Variants in FAT1 observed in about 807,000 individuals in gnomAD.
FAT1 encodes the protein FAT atypical cadherin 1.
In FAT1, 171 loss-of-function variants were observed where a neutral mutation model predicts 329.8. The ratio of observed to expected loss-of-function variants is 0.52; its 90% CI spans 0.46 to 0.59. The LOEUF is 0.59. FAT1 is among the 20% of genes least tolerant of loss of function. The pLI is 0.00. For missense variants in FAT1, 5,672 were observed against 5,774.4 expected, an observed-to-expected ratio of 0.98 and a Z score of 0.57; for synonymous variants, 2,233 against 2,228.6, an observed-to-expected ratio of 1.00 and a Z score of -0.06.
intron 3 of FAT1, among the ~76,000 whole-genome samples, chr4:186,641,664 A>G (rs1741103042): frequency 6.6e-6 from 1 of 152,224 alleles, no homozygotes; most frequent in Non-Finnish European, 1.5e-5. Flanking sequence ...ATTTACTTAG[A>G]GCACACAAGA....
chr4:186,623,672 C>A (rs1210480336), intron 9 of FAT1, among the ~76,000 whole-genome samples: 1 of 152,170 alleles, frequency 6.6e-6, no homozygotes, highest in Non-Finnish European at 1.5e-5. Context: ...TGCTCCCTGC[C>A]CTCCAGCCAA....
At chr4:186,652,189 C>T (rs756019737) in intron 3 of FAT1, among the ~76,000 whole-genome samples, 13 of 152,226 alleles carry the variant, frequency 8.5e-5, no homozygotes, top group South Asian at 8.3e-4. Flanking sequence ...AACATAAGAT[C>T]GACAGCAAAA....
intron 1 of FAT1, among the ~76,000 whole-genome samples, chr4:186,713,925 G>A (rs1042237704): frequency 5.3e-5 from 8 of 152,180 alleles, no homozygotes; most frequent in Middle Eastern, 3.2e-3. Context: ...AGGCTCAAGC[G>A]ATCTGCCCAA....
In FAT1 at chr4:186,602,919, C is replaced by T. The variant is rs766250583; in HGVS notation, c.11466G>A (p.Arg3822=). Residue 3822 remains arginine, a synonymous_variant, in exon 20 of 27, where the codon AGG becomes AGA. Coordinates refer to ENST00000441802, the MANE Select transcript of FAT1 (RefSeq NM_005245.4). ...AACTCTCACCTGGGCACTGACCAAACCTGCCGCTGGGACAGACACAGGTGT... is the reference window on the plus strand; with the variant it reads ...AACTCTCACCTGGGCACTGACCAAATCTGCCGCTGGGACAGACACAGGTGT... ...EKHTCVCPSG[R]FGQCPGSSSM... is the part of the protein sequence containing the mutation. 6.2e-7 allele frequency: 1 copy of T among 1,613,952 alleles called. No homozygotes were observed. Among genetic ancestry groups the T allele is most frequent in the South Asian group, 1.1e-5 (1 of 91,080 alleles).
intron 2 of FAT1, among the ~76,000 whole-genome samples, chr4:186,672,910 G>A (rs1380997062): frequency 1.3e-5 from 2 of 152,152 alleles, no homozygotes; most frequent in Non-Finnish European, 2.9e-5. Flanking sequence ...GCCAGATGCC[G>A]TTTTCCCAAC....
intron 1 of FAT1, among the ~76,000 whole-genome samples, chr4:186,717,710 T>C (rs1276853374): frequency 6.6e-6 from 1 of 152,214 alleles, no homozygotes; most frequent in Non-Finnish European, 1.5e-5. Context: ...CTGTTGGCAT[T>C]ACGAAGATGA....
At chr4:186,643,788 T>TCCCCCCCCCCCCCC (rs111521404) in intron 3 of FAT1, among the ~76,000 whole-genome samples, 63 of 131,168 alleles carry the variant, frequency 4.8e-4, no homozygotes, top group South Asian at 8.1e-4. Flanking sequence ...CTGCTCCTCA[T>TCCCCCCCCCCCCCC]CCCCCCCCCA....
intron 15 of FAT1, 38 bp from the exon 16 acceptor site, chr4:186,609,358 G>T: frequency 6.2e-7 from 1 of 1,601,330 alleles, no homozygotes; most frequent in Middle Eastern, 1.7e-4. Context: ...AGACAGCTAA[G>T]AAGAGGCCTA....
intron 4 of FAT1, among the ~76,000 whole-genome samples, chr4:186,639,158 T>A (rs1436924583): frequency 3.3e-5 from 5 of 152,250 alleles, no homozygotes; most frequent in African/African-American, 1.2e-4. Context: ...TAGAACTTTC[T>A]AGAAGAGCAC....
intron 6 of FAT1, among the ~76,000 whole-genome samples, chr4:186,634,372 C>T (rs754571086): frequency 1.4e-4 from 22 of 152,126 alleles, no homozygotes; most frequent in Non-Finnish European, 2.6e-4. Context: ...AGTTTCTATC[C>T]TATTAATATT....
At chr4:186,678,428 T>G (rs1445428277) in intron 2 of FAT1, among the ~76,000 whole-genome samples, 2 of 150,040 alleles carry the variant, frequency 1.3e-5, no homozygotes, top group Non-Finnish European at 3.0e-5. Flanking sequence ...CTGTATTAAT[T>G]TATTATAATA....
Position 186,636,883 on chromosome 4 carries a change from T to C in FAT1, c.3674A>G (p.Lys1225Arg), listed in dbSNP as rs774975328. ...VTVTDNGSPPKSTIARVIVKI... is the reference protein window; with the variant it reads ...VTVTDNGSPPRSTIARVIVKI... ...CACAATGACTCTTGCAATGGTTGATTTGGGGGGACTACCATTGTCTGTCAC... is the reference window on the plus strand; with the variant it reads ...CACAATGACTCTTGCAATGGTTGATCTGGGGGGACTACCATTGTCTGTCAC... Residue 1225 changes from lysine (K) to arginine (R), a missense_variant, in exon 5 of 27, where the codon AAA (lysine) becomes AGA (arginine). Coordinates refer to ENST00000441802, the MANE Select transcript of FAT1 (RefSeq NM_005245.4). The C allele has an allele frequency of 3.1e-6, 5 of 1,613,032 alleles. No homozygotes were observed. The highest frequency in any genetic ancestry group is 2.2e-5 in the South Asian group (2 of 90,940).
In FAT1 at chr4:186,709,680, T is replaced by C. The variant is rs370549109; in HGVS notation, c.148A>G (p.Lys50Glu). 2.5e-5 allele frequency: 40 copies of C among 1,614,006 alleles called. No homozygotes were observed. Among genetic ancestry groups the C allele is most frequent in the Non-Finnish European group, 3.2e-5 (38 of 1,179,886 alleles). The change falls in exon 2 of 27, where the codon AAG becomes GAG. Residue 50 changes from lysine to glutamate, a missense_variant. Transcript: ENST00000441802. ...TTGACAGGATGCCCCACATAAGTCT[T>C]AGCTGCAGAGTTCTCCTGCACGGTG... is the stretch of plus-strand genomic sequence containing the variant. ...NVTVQENSAA[K>E]TYVGHPVKMG... is the part of the protein sequence containing the mutation.
rs146355594 is a variant in FAT1 at position 186,707,398 on chromosome 4, G to A, written c.2430C>T (p.Val810=). ...PQKAAWRLLH[V]VVVDANDNPP... ...GATTATCATTGGCATCGACAACCAC[G>A]ACATGTAGAAGACGCCACGCAGCCT... Residue 810 remains valine, a synonymous_variant, in exon 2 of 27, where the codon GTC becomes GTT. Transcript: ENST00000441802. The A allele has an allele frequency of 2.5e-5, 41 of 1,613,940 alleles. No individual in the cohort carries two copies. Among genetic ancestry groups the A allele is most frequent in the Admixed American group, 8.3e-5 (5 of 60,014 alleles).
intron 2 of FAT1, among the ~76,000 whole-genome samples, chr4:186,684,003 C>T (rs1026463549): frequency 2.9e-5 from 4 of 137,682 alleles, no homozygotes; most frequent in Admixed American, 7.2e-5. Context: ...TTAAATCCAC[C>T]GAGCCAACAC....
chr4:186,602,151 A>G (rs887623076), intron 20 of FAT1, among the ~76,000 whole-genome samples: 2 of 152,248 alleles, frequency 1.3e-5, no homozygotes, highest in African/African-American at 4.8e-5. Context: ...ATATCACTTC[A>G]CACCCATAAA....
At chr4:186,617,575 A>T in intron 10 of FAT1, 133 bp downstream of exon 10, 1 of 734,644 alleles carries the variant, frequency 1.4e-6, no homozygotes, top group Non-Finnish European at 2.1e-6. Context: ...TGTTATTTCT[A>T]CGTATTATTT....
chr4:186,657,134 G>A (rs1192679967), intron 3 of FAT1, among the ~76,000 whole-genome samples: 1 of 152,148 alleles, frequency 6.6e-6, no homozygotes, highest in Non-Finnish European at 1.5e-5. Context: ...GCACCCCTAT[G>A]TGATGTCCAA....
chr4:186,601,240 C>G, intron 21 of FAT1, 29 bp downstream of exon 21: 1 of 1,520,380 alleles, frequency 6.6e-7, no homozygotes, highest in Non-Finnish European at 9.0e-7. Flanking sequence ...AAGTCTTCCA[C>G]TAAGATGCAA....
Sources: allele counts gnomAD v4.1 joint callset (sites outside exome capture counted in the v4.1 genomes callset), GRCh38; gene constraint gnomAD v4.1.1; transcripts MANE v1.5; gene names NCBI Gene and HGNC (gene_info 2026-07-23, HGNC 2026-07-21).